Variants in ASZ1 observed in about 807,000 individuals in gnomAD.
The protein encoded by ASZ1 is ankyrin repeat, SAM and basic leucine zipper domain-containing protein 1.
Under a neutral mutation model 61.8 loss-of-function variants are expected in ASZ1, and 67 were observed. That is an observed-to-expected ratio of 1.08 (90% CI 0.89 to 1.33). The LOEUF is 1.33. Ranked by LOEUF, ASZ1 falls within the 40% of genes most tolerant of loss-of-function variation. The pLI is 0.00. For missense variants in ASZ1, 577 were observed against 554.5 expected (o/e 1.04, Z -0.41); for synonymous variants, 193 against 192.7 (o/e 1.00, Z -0.01).
chr7:117,397,051 T>C (rs1796589140), intron 4 of ASZ1, among the ~76,000 whole-genome samples: 1 of 151,500 alleles, frequency 6.6e-6, no homozygotes, highest in African/African-American at 2.4e-5. Flanking sequence ...AATTATTTAA[T>C]TTAATAACAA....
At chr7:117,411,573 T>A (rs1008388219) in intron 4 of ASZ1, among the ~76,000 whole-genome samples, 3 of 151,828 alleles carry the variant, frequency 2.0e-5, no homozygotes, top group Non-Finnish European at 3.0e-5. Context: ...AGTTTGGATA[T>A]AACTTGCAAG....
chr7:117,399,478 G>C (rs1216445672), intron 4 of ASZ1, among the ~76,000 whole-genome samples: 1 of 152,098 alleles, frequency 6.6e-6, no homozygotes, highest in Non-Finnish European at 1.5e-5. Context: ...CTTGACACAA[G>C]GACTGAGTCT....
rs190476615 is a variant in ASZ1, at chr7:117,390,839, G to C, written c.441-5030C>G. ...CTGCCTCAGCCTCCTGAATAGCTGG[G>C]ATTACAGGCGCCTGCCACTGCACCT... is the stretch of plus-strand genomic sequence containing the variant. On this transcript the variant is annotated intron_variant, in intron 4 of 12. Coordinates refer to ENST00000284629, the MANE Select transcript of ASZ1 (RefSeq NM_130768.3). Among the ~76,000 whole-genome samples, 1,060 of 152,188 alleles carry C rather than the reference G, an allele frequency of 7.0e-3. 22 individuals are homozygous for C. Among genetic ancestry groups the C allele is most frequent in the Non-Finnish European group, 7.0e-3 (473 of 68,006 alleles).
chr7:117,367,672 G>T, intron 11 of ASZ1: 1 of 1,029,336 alleles, frequency 9.7e-7, no homozygotes, highest in Non-Finnish European at 1.2e-6. Context: ...CTGAATATAT[G>T]TATATATAAC....
chr7:117,368,505 C>A, intron 11 of ASZ1, 107 bp downstream of exon 11: 1 of 1,477,684 alleles, frequency 6.8e-7, no homozygotes. Flanking sequence ...GCAGAACAAA[C>A]GATGTAATTT....
At chr7:117,381,159 A>T in intron 8 of ASZ1, 92 bp from the exon 9 acceptor site, 1 of 1,163,398 alleles carries the variant, frequency 8.6e-7, no homozygotes, top group East Asian at 2.4e-5. Context: ...TACTTGCTTC[A>T]CTCTGAAGCA....
intron 10 of ASZ1, among the ~76,000 whole-genome samples, chr7:117,378,508 A>T (rs116525749): frequency 0.016 from 2,376 of 152,000 alleles, 67 homozygotes; most frequent in African/African-American, 0.055. Context: ...AGAAATGGCT[A>T]AAAAAAATCA....
At chr7:117,417,592 G>T (rs966073680) in intron 4 of ASZ1, among the ~76,000 whole-genome samples, 3 of 152,102 alleles carry the variant, frequency 2.0e-5, no homozygotes, top group Non-Finnish European at 2.9e-5. Context: ...CACATTGACA[G>T]CACGCTATCC....
chr7:117,400,994 T>C (rs148633980), intron 4 of ASZ1, among the ~76,000 whole-genome samples: 32 of 152,300 alleles, frequency 2.1e-4, no homozygotes, highest in African/African-American at 7.5e-4. Flanking sequence ...TTTTATATAA[T>C]ATCCAGCATT....
intron 4 of ASZ1, among the ~76,000 whole-genome samples, chr7:117,408,580 T>C (rs1475120646): frequency 6.6e-6 from 1 of 152,124 alleles, no homozygotes; most frequent in Non-Finnish European, 1.5e-5. Context: ...AATATGTTCC[T>C]TCACCATAGT....
At chr7:117,371,130 G>C (rs1358732219) in intron 10 of ASZ1, among the ~76,000 whole-genome samples, 1 of 151,944 alleles carries the variant, frequency 6.6e-6, no homozygotes, top group African/African-American at 2.4e-5. Context: ...AGCCCCCAAA[G>C]GATACTTCTA....
At chr7:117,402,663 C>T (rs957085244) in intron 4 of ASZ1, among the ~76,000 whole-genome samples, 1 of 152,106 alleles carries the variant, frequency 6.6e-6, no homozygotes, top group Non-Finnish European at 1.5e-5. Flanking sequence ...GGTATAGGGG[C>T]CTGAGGAGTT....
chr7:117,408,762 A>T (rs1796839056), intron 4 of ASZ1, among the ~76,000 whole-genome samples: 1 of 152,176 alleles, frequency 6.6e-6, no homozygotes, highest in South Asian at 2.1e-4. Flanking sequence ...AAGAAGTACA[A>T]TACTGCATAA....
intron 4 of ASZ1, among the ~76,000 whole-genome samples, chr7:117,404,257 G>A (rs138395575): frequency 7.8e-4 from 119 of 152,070 alleles, no homozygotes; most frequent in South Asian, 2.1e-4. Context: ...GGCTGAACCT[G>A]AGGCTCCTTA....
At chr7:117,373,439 C>T (rs1796083647) in intron 10 of ASZ1, among the ~76,000 whole-genome samples, 1 of 152,090 alleles carries the variant, frequency 6.6e-6, no homozygotes, top group Non-Finnish European at 1.5e-5. Flanking sequence ...TGTGTGTATG[C>T]ATTGTTGTAA....
chr7:117,395,288 T>G (rs981185317), intron 4 of ASZ1, among the ~76,000 whole-genome samples: 3 of 152,172 alleles, frequency 2.0e-5, no homozygotes, highest in Admixed American at 1.3e-4. Flanking sequence ...AGGGCAAGAC[T>G]TTAGCATATT....
intron 4 of ASZ1, among the ~76,000 whole-genome samples, chr7:117,395,098 A>G (rs1796552441): frequency 6.6e-6 from 1 of 152,246 alleles, no homozygotes; most frequent in Admixed American, 6.5e-5. Context: ...AAGGCCTCCA[A>G]ACACAGAAGA....
chr7:117,383,962 A>G (rs1211585660), intron 6 of ASZ1, among the ~76,000 whole-genome samples: 2 of 152,170 alleles, frequency 1.3e-5, no homozygotes, highest in East Asian at 1.9e-4. Flanking sequence ...AGATTGCTTA[A>G]AAGGTTAGAG....
intron 4 of ASZ1, among the ~76,000 whole-genome samples, chr7:117,412,006 C>A (rs1796903227): frequency 1.3e-5 from 2 of 150,618 alleles, no homozygotes; most frequent in Admixed American, 1.3e-4. Flanking sequence ...TTATTATGTA[C>A]TGACAAGGAA....
Sources: gnomAD v4.1 joint callset for allele counts (sites outside exome capture counted in the v4.1 genomes callset) on GRCh38, gnomAD v4.1.1 for gene constraint, MANE v1.5 for transcripts, NCBI Gene and HGNC (gene_info 2026-07-23, HGNC 2026-07-21) for gene names.